Variants in CHSY3 observed in about 807,000 individuals in gnomAD.
CHSY3 encodes N-acetylgalactosaminyl-proteoglycan 3-beta-glucuronosyltransferase 3.
A neutral mutation model predicts 67.2 loss-of-function variants in CHSY3; 35 were observed. The ratio of observed to expected loss-of-function variants is 0.52; its 90% CI spans 0.40 to 0.69. CHSY3 has a LOEUF of 0.69. Ranked by LOEUF, CHSY3 falls within the 30% of genes least tolerant of loss-of-function variation. The probability of loss-of-function intolerance (pLI) is 0.00; values close to 1 mark genes in which losing one functional copy is unlikely to be tolerated. For missense variants in CHSY3, 1,069 were observed against 1,138.5 expected, an observed-to-expected ratio of 0.94 and a Z score of 0.88; for synonymous variants, 474 against 434.7, an observed-to-expected ratio of 1.09 and a Z score of -1.12.
At chr5:130,079,890 A>G (rs1766390500) in intron 2 of CHSY3, among the ~76,000 whole-genome samples, 2 of 152,120 alleles carry the variant, frequency 1.3e-5, no homozygotes, top group Non-Finnish European at 2.9e-5. Context: ...ATAAAAGGCT[A>G]ACATTTCTCT....
At chr5:129,934,569 C>A (rs1991807) in intron 2 of CHSY3, among the ~76,000 whole-genome samples, 85,426 of 151,854 alleles carry the variant, frequency 0.56, 24,093 homozygotes, top group Middle Eastern at 0.64. Flanking sequence ...CAGTCTGTAG[C>A]AGGTTCTGGA....
intron 2 of CHSY3, among the ~76,000 whole-genome samples, chr5:129,962,648 C>T (rs145382226): frequency 3.7e-4 from 57 of 152,108 alleles, no homozygotes; most frequent in African/African-American, 1.3e-3. Context: ...CTGTCTCATG[C>T]TCTCTGCTCT....
At chr5:129,934,884 T>G (rs1761436589) in intron 2 of CHSY3, among the ~76,000 whole-genome samples, 1 of 152,092 alleles carries the variant, frequency 6.6e-6, no homozygotes, top group Non-Finnish European at 1.5e-5. Context: ...CCTACAAACT[T>G]AGGAACACTT....
intron 2 of CHSY3, among the ~76,000 whole-genome samples, chr5:129,986,320 A>G (rs1202414100): frequency 6.6e-6 from 1 of 152,128 alleles, no homozygotes; most frequent in Non-Finnish European, 1.5e-5. Flanking sequence ...TTGTGTGATG[A>G]ATCACAACTA....
At chr5:130,106,218 G>T (rs554071698) in intron 2 of CHSY3, among the ~76,000 whole-genome samples, 3 of 151,588 alleles carry the variant, frequency 2.0e-5, no homozygotes, top group Non-Finnish European at 4.4e-5. Flanking sequence ...GCATGAACAG[G>T]CAATGCTTAG....
intron 2 of CHSY3, among the ~76,000 whole-genome samples, chr5:130,087,930 A>G (rs1737303479): frequency 6.6e-6 from 1 of 152,122 alleles, no homozygotes; most frequent in African/African-American, 2.4e-5. Flanking sequence ...AGCCAAAAGA[A>G]CAAAGCTGGA....
intron 2 of CHSY3, among the ~76,000 whole-genome samples, chr5:130,067,232 T>C (rs373403360): frequency 5.9e-5 from 9 of 152,258 alleles, no homozygotes; most frequent in African/African-American, 2.2e-4. Flanking sequence ...TTCTCTTCCT[T>C]GTATGTACTA....
intron 2 of CHSY3, among the ~76,000 whole-genome samples, chr5:130,044,491 GC>G (rs1305130487): frequency 1.3e-5 from 2 of 152,096 alleles, no homozygotes; most frequent in Non-Finnish European, 2.9e-5. Context: ...AGTCAGTTTG[GC>G]TTTGAAACAG....
intron 2 of CHSY3, among the ~76,000 whole-genome samples, chr5:129,914,019 A>G (rs1760654869): frequency 1.3e-5 from 2 of 152,364 alleles, no homozygotes; most frequent in African/African-American, 2.4e-5. Context: ...TGAACTATCA[A>G]TAAGTTCTTA....
chr5:130,134,411 A>G (rs1768592238), intron 2 of CHSY3, among the ~76,000 whole-genome samples: 1 of 152,224 alleles, frequency 6.6e-6, no homozygotes, highest in South Asian at 2.1e-4. Flanking sequence ...TTCTTTGACA[A>G]TGGCAGGTAA....
At chr5:129,911,736 A>G (rs970787064) in intron 2 of CHSY3, among the ~76,000 whole-genome samples, 2 of 152,190 alleles carry the variant, frequency 1.3e-5, no homozygotes, top group African/African-American at 4.8e-5. Flanking sequence ...GCAGTATTTT[A>G]GAAATATGAG....
At chr5:130,032,379 G>A (rs1764727051) in intron 2 of CHSY3, among the ~76,000 whole-genome samples, 2 of 152,122 alleles carry the variant, frequency 1.3e-5, no homozygotes, top group Non-Finnish European at 2.9e-5. Flanking sequence ...GATTGTGCCT[G>A]TTTGGATAAT....
chr5:129,954,463 T>C (rs1390762932), intron 2 of CHSY3, among the ~76,000 whole-genome samples: 1 of 100,268 alleles, frequency 1.0e-5, no homozygotes, highest in Admixed American at 9.5e-5. Flanking sequence ...GGCTATACGG[T>C]TTTTTTTTTT....
Position 130,145,367 on chromosome 5 carries a change from TG to T in CHSY3, c.1087-38861del, listed in dbSNP as rs1769042666. On this transcript the variant is annotated intron_variant, in intron 2 of 2. Coordinates refer to ENST00000305031, the MANE Select transcript of CHSY3 (RefSeq NM_175856.5). ...GGGAAGAGATAGTATCTTCAATAAA[TG>T]TTGCTGGGAAAATTTGATATCCACA... 2.0e-5 allele frequency among the ~76,000 whole-genome samples: 3 copies of T among 152,182 alleles called. 1 individual carries two copies. Among genetic ancestry groups the T allele is most frequent in the African/African-American group, 7.2e-5 (3 of 41,452 alleles).
intron 2 of CHSY3, among the ~76,000 whole-genome samples, chr5:130,124,253 G>T (rs1212601459): frequency 6.6e-6 from 1 of 152,032 alleles, no homozygotes; most frequent in African/African-American, 2.4e-5. Flanking sequence ...CATTCTCTAA[G>T]CCCACCTTGT....
chr5:130,068,764 T>A (rs1161945554), intron 2 of CHSY3, among the ~76,000 whole-genome samples: 1 of 152,184 alleles, frequency 6.6e-6, no homozygotes, highest in Non-Finnish European at 1.5e-5. Flanking sequence ...TCAACTTATT[T>A]ACAGCCTGCC....
chr5:130,178,253 A>ATTTTTTTTTTTTT (rs10699248), intron 2 of CHSY3, among the ~76,000 whole-genome samples: 4 of 45,912 alleles, frequency 8.7e-5, no homozygotes, highest in East Asian at 9.3e-4. Context: ...ATATATATAT[A>ATTTTTTTTTTTTT]TTTTTTTTTT....
chr5:130,178,253 A>ATTTTTTTTT (rs10699248), intron 2 of CHSY3, among the ~76,000 whole-genome samples: 1 of 45,912 alleles, frequency 2.2e-5, no homozygotes, highest in African/African-American at 1.0e-4. Flanking sequence ...ATATATATAT[A>ATTTTTTTTT]TTTTTTTTTT....
At chr5:130,134,898 AAAC>A (rs1480744076) in intron 2 of CHSY3, among the ~76,000 whole-genome samples, 2 of 150,526 alleles carry the variant, frequency 1.3e-5, no homozygotes, top group African/African-American at 4.9e-5. Context: ...ACAAAAAGGT[AAAC>A]AACAAGAAGT....
Sources: gnomAD v4.1 joint callset for allele counts (sites outside exome capture counted in the v4.1 genomes callset) on GRCh38, gnomAD v4.1.1 for gene constraint, MANE v1.5 for transcripts, NCBI Gene and HGNC (gene_info 2026-07-23, HGNC 2026-07-21) for gene names.